Variants in MLH3 observed in about 807,000 individuals in gnomAD.
MLH3 encodes the protein mutL homolog 3.
In MLH3, 82 loss-of-function variants were observed where a neutral mutation model predicts 122.2. The observed-to-expected ratio is 0.67, with a 90% CI of 0.56 to 0.81. The LOEUF is 0.81. Ranked by LOEUF, MLH3 falls within the 30% of genes least tolerant of loss-of-function variation. MLH3 has a pLI of 0.00. For missense variants in MLH3, 1,539 were observed against 1,714.5 expected, an observed-to-expected ratio of 0.90 and a Z score of 1.81; for synonymous variants, 524 against 599.5, an observed-to-expected ratio of 0.87 and a Z score of 1.84.
intron 5 of MLH3, among the ~76,000 whole-genome samples, chr14:75,038,758 G>T (rs559841800): frequency 1.3e-5 from 2 of 152,288 alleles, no homozygotes; most frequent in African/African-American, 4.8e-5. Context: ...TAACATACAG[G>T]CTGAAATAAA....
At position 75,030,526 on chromosome 14, in the gene MLH3, C is replaced by T. The variant is rs756459708; in HGVS notation, c.3987+17G>A. On this transcript the variant is annotated intron_variant, in intron 9 of 12. Coordinates refer to ENST00000355774, the MANE Select transcript of MLH3 (RefSeq NM_001040108.2). ...CATCACTCAGCAATTTCCTTAACAT[C>T]TGCAGCTGTGTCTTACCTCCACAAT... 10 of 1,613,366 alleles carry T rather than the reference C, an allele frequency of 6.2e-6. No individual in the cohort carries two copies. Among genetic ancestry groups the T allele is most frequent in the Non-Finnish European group, 8.5e-6 (10 of 1,179,294 alleles).
chr14:75,037,145 T>C (rs1355723252), intron 6 of MLH3, among the ~76,000 whole-genome samples: 1 of 152,214 alleles, frequency 6.6e-6, no homozygotes, highest in East Asian at 1.9e-4. Context: ...TACCTACTTC[T>C]CTAGCCTCAT....
At chr14:75,039,883 T>TATATATATATATG (rs34231080) in intron 5 of MLH3, 28 bp downstream of exon 5, 1 of 519,980 alleles carries the variant, frequency 1.9e-6, no homozygotes, top group African/African-American at 3.1e-5. Flanking sequence ...ATATATATAT[T>TATATATATATATG]TATGAGATTT....
intron 8 of MLH3, 39 bp downstream of exon 8, chr14:75,032,029 T>A: frequency 8.3e-7 from 1 of 1,198,230 alleles, no homozygotes; most frequent in South Asian, 1.2e-5. Flanking sequence ...ATTGTGAGAA[T>A]TGATACCATC....
At chr14:75,021,459 A>G (rs1455795641) in intron 11 of MLH3, among the ~76,000 whole-genome samples, 2 of 152,216 alleles carry the variant, frequency 1.3e-5, no homozygotes, top group Non-Finnish European at 2.9e-5. Context: ...AGAATCTATA[A>G]GGAACTTAAA....
At position 75,047,499 on chromosome 14, in the gene MLH3, C is replaced by T. The variant is rs1566605241; in HGVS notation, c.2157G>A (p.Trp719Ter). 6.2e-7 allele frequency: 1 copy of T among 1,614,034 alleles called. No homozygotes were observed. Among genetic ancestry groups the T allele is most frequent in the African/African-American group, 1.3e-5 (1 of 74,998 alleles). The change falls in exon 2 of 13, where the codon TGG becomes TGA. Residue 719 changes from tryptophan (W) to a stop codon, truncating the protein, a stop_gained. Coordinates refer to ENST00000355774, the MANE Select transcript of MLH3 (RefSeq NM_001040108.2). LOFTEE classifies it high-confidence loss of function. ...ILSDTSPSFP[W>*]YRHVSNDSRK... The stretch of plus-strand genomic sequence containing the variant: ...TACTATCATTGGAAACGTGTCTATA[C>T]CAGGGGAAAGAGGGGGATGTATCAG...
chr14:75,038,488 A>C (rs1312571306), intron 5 of MLH3, 76 bp from the exon 6 acceptor site: 14 of 967,442 alleles, frequency 1.4e-5, no homozygotes, highest in Admixed American at 3.4e-5. Flanking sequence ...AAGATACAGA[A>C]CTGTATTTTA....
chr14:75,023,836 T>G (rs1262231868), intron 9 of MLH3, among the ~76,000 whole-genome samples: 2 of 152,226 alleles, frequency 1.3e-5, no homozygotes, highest in African/African-American at 4.8e-5. Context: ...CCTTTTCTTT[T>G]AAAACCAGAC....
rs1892522031 is a variant in MLH3, at chr14:75,049,506, G to T, written c.150C>A (p.Phe50Leu). 6.2e-7 allele frequency: 1 copy of T among 1,613,994 alleles called. No individual in the cohort carries two copies. The highest frequency in any genetic ancestry group is 1.3e-5 in the African/African-American group (1 of 74,880). Residue 50 changes from phenylalanine to leucine, a missense_variant, in exon 2 of 13, where the codon TTC becomes TTA. Coordinates refer to ENST00000355774, the MANE Select transcript of MLH3 (RefSeq NM_001040108.2). Reference sequence around the variant, plus strand: ...ATCCATTGTCTATCACTTGAACTTGGAAGGTTTCCATATTCACCCTGACAG... The same window carrying T: ...ATCCATTGTCTATCACTTGAACTTGTAAGGTTTCCATATTCACCCTGACAG... ...CVAVRVNMET[F>L]QVQVIDNGFG...
At chr14:75,030,790 T>A (rs2139390206) in intron 8 of MLH3, 88 bp from the exon 9 acceptor site, 1 of 1,138,326 alleles carries the variant, frequency 8.8e-7, no homozygotes, top group South Asian at 1.3e-5. Context: ...CTTAATAGTT[T>A]TTCAAAAGCT....
At chr14:75,040,061 C>A in intron 4 of MLH3, 46 bp from the exon 5 acceptor site, 1 of 1,035,264 alleles carries the variant, frequency 9.7e-7, no homozygotes, top group South Asian at 1.3e-5. Flanking sequence ...ATTTTTGTGT[C>A]AGAATTGTTT....
chr14:75,019,688 T>C (rs1890147696), intron 11 of MLH3, among the ~76,000 whole-genome samples: 1 of 152,216 alleles, frequency 6.6e-6, no homozygotes, highest in Non-Finnish European at 1.5e-5. Context: ...TCTGATTGTT[T>C]CCTTACAATG....
At chr14:75,042,032 C>A (rs1458985859) in intron 3 of MLH3, among the ~76,000 whole-genome samples, 6 of 152,200 alleles carry the variant, frequency 3.9e-5, no homozygotes, top group Admixed American at 3.3e-4. Flanking sequence ...AACATACACA[C>A]AAAATTGATG....
chr14:75,033,672 A>T (rs898803481), intron 6 of MLH3, among the ~76,000 whole-genome samples, 182 bp from the exon 7 acceptor site: 2 of 152,180 alleles, frequency 1.3e-5, no homozygotes, highest in Non-Finnish European at 2.9e-5. Flanking sequence ...ATGATAGCAA[A>T]CTTATCCCAT....
Position 75,016,045 on chromosome 14 carries a change from T to G in MLH3, c.*1037A>C. 4.4e-6 allele frequency: 1 copy of G among 229,192 alleles called. No homozygotes were observed. The highest frequency in any genetic ancestry group is 6.3e-5 in the East Asian group (1 of 15,952). The allele number at this position is 229,192 out of a possible 1,614,324, so 14.2% of individuals were successfully genotyped here. On this transcript the variant is annotated 3_prime_UTR_variant, in exon 13 of 13. Transcript: ENST00000355774. ...TTTTCTACTATGCAATTTTAGTCTG[T>G]TGAGTCCTATTAACCACAAATCATG... is the stretch of plus-strand genomic sequence containing the variant.
At chr14:75,030,826 T>C in intron 8 of MLH3, 124 bp from the exon 9 acceptor site, 1 of 786,400 alleles carries the variant, frequency 1.3e-6, no homozygotes, top group Non-Finnish European at 2.1e-6. Flanking sequence ...AACCGTATTG[T>C]TTTTCTCACA....
In MLH3 at chr14:75,047,845, C is replaced by T; in HGVS notation, c.1811G>A (p.Cys604Tyr). The change falls in exon 2 of 13, where the codon TGT (cysteine) becomes TAT (tyrosine). Residue 604 changes from cysteine (C) to tyrosine (Y), a missense_variant. Cys to Tyr is a radical substitution (Grantham distance 194). Transcript: ENST00000355774. Reference protein sequence around the residue: ...NVFSYGRVKLCSTGFITHVVQ... With the variant: ...NVFSYGRVKLYSTGFITHVVQ... ...TACATGAGTTATAAAGCCAGTGGAA[C>T]ATAATTTAACTCGCCCATAACTAAA... The T allele has an allele frequency of 6.2e-7, 1 of 1,613,022 alleles. No individual in the cohort carries two copies. Among genetic ancestry groups the T allele is most frequent in the South Asian group, 1.1e-5 (1 of 90,556 alleles).
Position 75,047,713 on chromosome 14 carries a change from T to C in MLH3, c.1943A>G (p.His648Arg), listed in dbSNP as rs746239378. ...AQETFGNRTR[H>R]SVETPDIKDL... ...TTTGATGTCTGGAGTTTCAACTGAA[T>C]GACGTGTTCTATTTCCAAATGTTTC... Residue 648 changes from histidine to arginine, a missense_variant, in exon 2 of 13, where the codon CAT becomes CGT. By Grantham distance (29) the His-to-Arg change is conservative. Coordinates refer to ENST00000355774, the MANE Select transcript of MLH3 (RefSeq NM_001040108.2). 1.2e-6 allele frequency: 2 copies of C among 1,614,188 alleles called. No homozygotes were observed. The highest frequency in any genetic ancestry group is 2.2e-5 in the East Asian group (1 of 44,874).
At chr14:75,018,100 G>A (rs566220860) in intron 12 of MLH3, among the ~76,000 whole-genome samples, 48 of 151,898 alleles carry the variant, frequency 3.2e-4, no homozygotes, top group African/African-American at 9.9e-4. Context: ...AGCCAAGATC[G>A]CACCATTGCA....
Sources: gnomAD v4.1 joint callset for allele counts (sites outside exome capture counted in the v4.1 genomes callset) on GRCh38, gnomAD v4.1.1 for gene constraint, MANE v1.5 for transcripts, NCBI Gene and HGNC (gene_info 2026-07-23, HGNC 2026-07-21) for gene names.